The following MERTK variants were observed in gnomAD, a reference collection of about 807,000 sequenced individuals.
The protein encoded by MERTK is MER proto-oncogene, tyrosine kinase.
A neutral mutation model predicts 99.3 loss-of-function variants in MERTK; 69 were observed. That is an observed-to-expected ratio of 0.70 (90% CI 0.57 to 0.85). MERTK has a LOEUF of 0.85. Among genes scored for constraint, MERTK ranks in the 40% least tolerant of loss-of-function variants. The pLI is 0.00. For synonymous variants in MERTK, 426 were observed against 467.6 expected, an observed-to-expected ratio of 0.91 and a Z score of 1.15; for missense variants, 1,125 against 1,249.4, an observed-to-expected ratio of 0.90 and a Z score of 1.50.
intron 4 of MERTK, among the ~76,000 whole-genome samples, chr2:111,959,547 C>G (rs1685206890): frequency 1.3e-5 from 2 of 151,948 alleles, no homozygotes; most frequent in African/African-American, 4.8e-5. Context: ...CTGGAGTGCT[C>G]ACTGTAGCCT....
intron 15 of MERTK, among the ~76,000 whole-genome samples, chr2:112,011,584 C>T (rs533006834): frequency 1.4e-4 from 22 of 152,090 alleles, no homozygotes; most frequent in African/African-American, 5.1e-4. Context: ...CCCCATCTCT[C>T]ATGAAAAAAT....
intron 2 of MERTK, among the ~76,000 whole-genome samples, chr2:111,941,488 G>T (rs560643769): frequency 6.6e-6 from 1 of 152,122 alleles, no homozygotes; most frequent in Admixed American, 6.5e-5. Context: ...CACTCTCCGC[G>T]TTTCCTCTGG....
intron 1 of MERTK, among the ~76,000 whole-genome samples, chr2:111,907,541 G>A (rs1474842168): frequency 6.6e-6 from 1 of 152,220 alleles, no homozygotes; most frequent in Non-Finnish European, 1.5e-5. Context: ...TGGAAACATG[G>A]AGGTATATTT....
At chr2:112,007,859 T>A (rs1364852701) in intron 13 of MERTK, among the ~76,000 whole-genome samples, 1 of 152,034 alleles carries the variant, frequency 6.6e-6, no homozygotes. Flanking sequence ...TTGGGGTTTT[T>A]TTTTTGGAAT....
chr2:112,010,377 C>T (rs1398571753), intron 15 of MERTK: 1 of 326,780 alleles, frequency 3.1e-6, no homozygotes, highest in African/African-American at 2.1e-5. Flanking sequence ...GCCGCATACT[C>T]CCCAGAGCTT....
At chr2:111,926,202 C>T in intron 1 of MERTK, among the ~76,000 whole-genome samples, 1 of 152,010 alleles carries the variant, frequency 6.6e-6, no homozygotes, top group East Asian at 1.9e-4. Flanking sequence ...TTGTTAAGTT[C>T]CTAATTAAAA....
chr2:111,935,486 C>T (rs1684748287), intron 2 of MERTK, among the ~76,000 whole-genome samples: 1 of 152,178 alleles, frequency 6.6e-6, no homozygotes, highest in African/African-American at 2.4e-5. Context: ...AATCAAATCT[C>T]AGTTAATTGA....
At chr2:112,024,038 G>T (rs71414619) in intron 18 of MERTK, among the ~76,000 whole-genome samples, 11,380 of 152,200 alleles carry the variant, frequency 0.075, 524 homozygotes, top group Middle Eastern at 0.15. Context: ...GTAGTGGTTG[G>T]TTTTTATTGT....
intron 7 of MERTK, among the ~76,000 whole-genome samples, chr2:111,980,412 C>CTTTTTTTTT (rs34831521): frequency 3.0e-5 from 3 of 100,980 alleles, no homozygotes; most frequent in Admixed American, 1.1e-4. Context: ...GCAACTATTT[C>CTTTTTTTTT]TTTTTTTTTT....
chr2:111,975,805 A>G (rs373658574), intron 7 of MERTK, among the ~76,000 whole-genome samples: 2 of 152,182 alleles, frequency 1.3e-5, no homozygotes, highest in African/African-American at 2.4e-5. Context: ...GGCCACTCCA[A>G]TATATGTGGG....
intron 1 of MERTK, among the ~76,000 whole-genome samples, chr2:111,925,956 T>A (rs888018407): frequency 9.9e-5 from 15 of 151,936 alleles, no homozygotes; most frequent in Non-Finnish European, 2.9e-5. Flanking sequence ...CTCAGCCTCC[T>A]GAGTAGCTGG....
In MERTK at chr2:111,993,431, C is replaced by A. The variant is rs1676672196; in HGVS notation, c.1297-820C>A. Among the ~76,000 whole-genome samples the A allele has an allele frequency of 2.0e-5, 3 of 152,126 alleles. No homozygotes were observed. In the South Asian group the frequency reaches 6.2e-4, roughly 32 times the overall value. ...CATCTGTGACCTGTGACATCTGTGACCTGCATGACCTGAGATCTCTTTCTG... is the reference window on the plus strand; with the variant it reads ...CATCTGTGACCTGTGACATCTGTGAACTGCATGACCTGAGATCTCTTTCTG... On this transcript the variant is annotated intron_variant, in intron 8 of 18. Transcript: ENST00000295408.
At chr2:111,926,725 C>A (rs1053971946) in intron 1 of MERTK, among the ~76,000 whole-genome samples, 1 of 152,114 alleles carries the variant, frequency 6.6e-6, no homozygotes, top group African/African-American at 2.4e-5. Flanking sequence ...AGCGAGACTC[C>A]ATCTCAGAAA....
At chr2:111,996,177 G>A (rs1228928278) in intron 9 of MERTK, 1 of 150,324 alleles carries the variant, frequency 6.7e-6, no homozygotes, top group East Asian at 1.9e-4. Flanking sequence ...CAGGGCTCCA[G>A]TATGCACAAA....
chr2:112,024,916 C>T (rs1677433739), intron 18 of MERTK: 2 of 154,306 alleles, frequency 1.3e-5, no homozygotes, highest in South Asian at 4.1e-4. Context: ...GGAAACAGAG[C>T]AAGATCCTGT....
Position 111,898,609 on chromosome 2 carries a change from T to G in MERTK, c.-127T>G. 4 of 1,102,698 alleles carry G rather than the reference T, an allele frequency of 3.6e-6. No individual in the cohort carries two copies. Among genetic ancestry groups the G allele is most frequent in the East Asian group, 2.9e-5 (1 of 34,488 alleles). The allele number at this position is 1,102,698 out of a possible 1,614,324, so 68.3% of individuals were successfully genotyped here. A position where few individuals can be genotyped will look rare whatever the true frequency, so the allele number is the denominator to read the frequency against. On this transcript the variant is annotated 5_prime_UTR_variant, in exon 1 of 19. Coordinates refer to ENST00000295408, the MANE Select transcript of MERTK (RefSeq NM_006343.3). ...CCCGCCGGCCGCTTGGCTCCGCCAC[T>G]CGGCACTCACTGCCCGGGCCGCCCG...
intron 6 of MERTK, among the ~76,000 whole-genome samples, chr2:111,971,874 A>C (rs1558791948): frequency 6.6e-6 from 1 of 152,150 alleles, no homozygotes; most frequent in Non-Finnish European, 1.5e-5. Context: ...TCATGGTTCC[A>C]TCTGTTATTG....
intron 10 of MERTK, among the ~76,000 whole-genome samples, chr2:111,999,004 A>G (rs58065683): frequency 0.24 from 36,197 of 151,974 alleles, 4,591 homozygotes; most frequent in South Asian, 0.32. Context: ...AAGTAACATT[A>G]TATTTTTTTA....
In MERTK at chr2:111,986,281, G is replaced by A. The variant is rs138159917; in HGVS notation, c.1296+3288G>A. Reference sequence around the variant, plus strand: ...CAAGGCATTTGTGCGAGGTGCCTCTGGATTAACTGCATTTCTCCATTGGCT... The same window carrying A: ...CAAGGCATTTGTGCGAGGTGCCTCTAGATTAACTGCATTTCTCCATTGGCT... On this transcript the variant is annotated intron_variant, in intron 8 of 18. Coordinates refer to ENST00000295408, the MANE Select transcript of MERTK (RefSeq NM_006343.3). Among the ~76,000 whole-genome samples the A allele has an allele frequency of 5.9e-5, 9 of 152,290 alleles. No homozygotes were observed. The East Asian group carries it at 1.7e-3, about 29-fold the overall frequency.
Sources: allele counts gnomAD v4.1 joint callset (sites outside exome capture counted in the v4.1 genomes callset), GRCh38; gene constraint gnomAD v4.1.1; transcripts MANE v1.5; gene names NCBI Gene and HGNC (gene_info 2026-07-23, HGNC 2026-07-21).